Variants in IL19 observed in about 807,000 individuals in gnomAD.
IL19 encodes the protein interleukin-19.
A neutral mutation model predicts 19.5 loss-of-function variants in IL19; 15 were observed. The ratio of observed to expected loss-of-function variants is 0.77; its 90% CI spans 0.52 to 1.19. The LOEUF (loss-of-function observed/expected upper bound fraction) is 1.19. Ranked by LOEUF, IL19 falls within the 50% of genes most tolerant of loss-of-function variation. The probability of loss-of-function intolerance (pLI) is 0.00; values close to 1 mark genes in which losing one functional copy is unlikely to be tolerated. For synonymous variants in IL19, 78 were observed against 78.3 expected, an observed-to-expected ratio of 1.00 and a Z score of 0.02; for missense variants, 199 against 213.1, an observed-to-expected ratio of 0.93 and a Z score of 0.41.
chr1:206,841,895 A>G (rs1677029403), intron 6 of IL19, among the ~76,000 whole-genome samples: 1 of 152,224 alleles, frequency 6.6e-6, no homozygotes, highest in African/African-American at 2.4e-5. Flanking sequence ...AAGTAACTAA[A>G]CTAAGTTCAC....
intron 1 of IL19, among the ~76,000 whole-genome samples, chr1:206,781,583 G>A (rs1675132309): frequency 6.6e-6 from 1 of 151,630 alleles, no homozygotes; most frequent in South Asian, 2.1e-4. Context: ...GTGCATTTTG[G>A]ATGCACAGCT....
chr1:206,775,343 T>C (rs990992209), intron 1 of IL19, among the ~76,000 whole-genome samples: 1 of 152,182 alleles, frequency 6.6e-6, no homozygotes, highest in African/African-American at 2.4e-5. Flanking sequence ...TGAGCCACTG[T>C]GCCCGGCCCG....
chr1:206,808,903 C>G (rs1675927813), intron 2 of IL19, among the ~76,000 whole-genome samples: 1 of 152,118 alleles, frequency 6.6e-6, no homozygotes, highest in South Asian at 2.1e-4. Context: ...CAGGAAAGGA[C>G]AGCCTGGGTG....
intron 2 of IL19, among the ~76,000 whole-genome samples, chr1:206,825,724 G>A (rs1676421915): frequency 6.6e-6 from 1 of 152,214 alleles, no homozygotes; most frequent in Non-Finnish European, 1.5e-5. Flanking sequence ...CAGCTTAGCA[G>A]GCAGGCTGTT....
At chr1:206,834,091 T>G (rs1572573730) in intron 2 of IL19, 4 of 985,558 alleles carry the variant, frequency 4.1e-6, no homozygotes, top group Admixed American at 6.1e-5. Context: ...GACATAGAAT[T>G]GCAAAAAATT....
At chr1:206,830,784 G>A (rs556812225) in intron 2 of IL19, among the ~76,000 whole-genome samples, 2 of 152,096 alleles carry the variant, frequency 1.3e-5, no homozygotes, top group African/African-American at 2.4e-5. Context: ...TCACCACATT[G>A]GCTAGGATGG....
At chr1:206,836,582 A>G in intron 2 of IL19, 79 bp from the exon 3 acceptor site, 1 of 1,356,510 alleles carries the variant, frequency 7.4e-7, no homozygotes, top group Admixed American at 2.3e-5. Context: ...CGAGGCTGGA[A>G]AGGAGCGTCA....
intron 1 of IL19, among the ~76,000 whole-genome samples, chr1:206,774,948 CAT>C (rs1285637884): frequency 2.6e-5 from 4 of 152,010 alleles, no homozygotes; most frequent in Non-Finnish European, 5.9e-5. Flanking sequence ...CACACACACA[CAT>C]ACAAAATGTC....
At chr1:206,774,812 C>T (rs1674951756) in intron 1 of IL19, among the ~76,000 whole-genome samples, 1 of 152,062 alleles carries the variant, frequency 6.6e-6, no homozygotes, top group Non-Finnish European at 1.5e-5. Context: ...CCCTGTAAGC[C>T]TGGAGGGTGC....
At chr1:206,797,827 A>G (rs1675563222) in intron 1 of IL19, among the ~76,000 whole-genome samples, 1 of 152,166 alleles carries the variant, frequency 6.6e-6, no homozygotes, top group Admixed American at 6.5e-5. Context: ...ATTCAGGGAT[A>G]TTGACTTCTG....
rs200740080 is a variant in IL19, at chr1:206,836,623, C to G, written c.-2-38C>G. 32 of 1,568,314 alleles carry G rather than the reference C, an allele frequency of 2.0e-5. No homozygotes were observed. The East Asian group carries it at 7.2e-4, about 35-fold the overall frequency. On this transcript the variant is annotated intron_variant, in intron 2 of 6. Transcript: ENST00000659997. Reference sequence around the variant, plus strand: ...GGGTCTTCTTTTTCATTGCCCTCCACTCTTGGCTGGACAGCTGACTTCCTC... The same window carrying G: ...GGGTCTTCTTTTTCATTGCCCTCCAGTCTTGGCTGGACAGCTGACTTCCTC...
chr1:206,819,756 A>G (rs1443363170), intron 2 of IL19, among the ~76,000 whole-genome samples: 1 of 152,202 alleles, frequency 6.6e-6, no homozygotes, highest in Non-Finnish European at 1.5e-5. Context: ...ACTCAGCACT[A>G]TTACAAGCAA....
intron 1 of IL19, among the ~76,000 whole-genome samples, chr1:206,775,540 T>C (rs1217678184): frequency 1.3e-5 from 2 of 152,256 alleles, no homozygotes; most frequent in Non-Finnish European, 2.9e-5. Context: ...CATATGGAGA[T>C]AACGGCTTCT....
chr1:206,775,103 T>G (rs377447388), intron 1 of IL19, among the ~76,000 whole-genome samples: 2 of 151,986 alleles, frequency 1.3e-5, no homozygotes, highest in South Asian at 2.1e-4. Flanking sequence ...TGCAGTGGCA[T>G]GATCTCAGCT....
intron 2 of IL19, among the ~76,000 whole-genome samples, chr1:206,802,531 A>C (rs1022875257): frequency 6.6e-6 from 1 of 152,182 alleles, no homozygotes; most frequent in Non-Finnish European, 1.5e-5. Context: ...CGAAGCCAAT[A>C]AGTGATGGAG....
chr1:206,782,524 G>A lies in IL19; in HGVS notation c.-149+11446G>A, dbSNP rs562455384. ...TGTACCCAAAGGGCACCTGGCTTGG[G>A]TAGACAAGGGAGAAGCCTACTGCTG... On this transcript the variant is annotated intron_variant, in intron 1 of 6. Transcript: ENST00000659997. 1.4e-4 allele frequency among the ~76,000 whole-genome samples: 21 copies of A among 152,322 alleles called. No homozygotes were observed. In the South Asian group the frequency reaches 1.5e-3, roughly 11 times the overall value.
chr1:206,803,941 C>T (rs1004370785), intron 2 of IL19, among the ~76,000 whole-genome samples: 11 of 152,184 alleles, frequency 7.2e-5, no homozygotes, highest in Non-Finnish European at 1.5e-4. Context: ...TAGGAAATAG[C>T]ACTTGGAAAG....
At chr1:206,832,007 A>C (rs1371824781) in intron 2 of IL19, among the ~76,000 whole-genome samples, 1 of 152,208 alleles carries the variant, frequency 6.6e-6, no homozygotes, top group Non-Finnish European at 1.5e-5. Context: ...CTGGGCTCTG[A>C]GCTGCTATTC....
At chr1:206,775,937 C>A (rs1047951401) in intron 1 of IL19, among the ~76,000 whole-genome samples, 1 of 152,202 alleles carries the variant, frequency 6.6e-6, no homozygotes, top group Non-Finnish European at 1.5e-5. Flanking sequence ...CTTCTTGAGG[C>A]CAAAAGGCCT....
Sources: gnomAD v4.1 joint callset for allele counts (sites outside exome capture counted in the v4.1 genomes callset) on GRCh38, gnomAD v4.1.1 for gene constraint, MANE v1.5 for transcripts, NCBI Gene and HGNC (gene_info 2026-07-23, HGNC 2026-07-21) for gene names.